The following SLC2A9 variants were observed in gnomAD, a reference collection of about 807,000 sequenced individuals.
SLC2A9 encodes solute carrier family 2, facilitated glucose transporter member 9.
SLC2A9 carries 39 observed loss-of-function variants against 50.6 expected under a neutral mutation model. The observed-to-expected ratio is 0.77, with a 90% CI of 0.60 to 1.01. SLC2A9 has a LOEUF of 1.01. Among genes scored for constraint, SLC2A9 ranks in the 50% least tolerant of loss-of-function variants. SLC2A9 has a pLI of 0.00. For synonymous variants in SLC2A9, 324 were observed against 276.9 expected (o/e 1.17, Z -1.69); for missense variants, 686 against 677.6 (o/e 1.01, Z -0.14).
intron 1 of SLC2A9, among the ~76,000 whole-genome samples, chr4:10,037,964 T>TAATA (rs1370691391): frequency 2.6e-5 from 4 of 151,008 alleles, no homozygotes; most frequent in South Asian, 2.1e-4. Context: ...AATAAATAAA[T>TAATA]AATAAATAAA....
upstream of SLC2A9, among the ~76,000 whole-genome samples, chr4:10,025,202 C>T (rs1205151867): frequency 6.6e-6 from 1 of 152,094 alleles, no homozygotes; most frequent in East Asian, 1.9e-4. Context: ...GCTTCCACAC[C>T]CATCACAGGA....
intron 5 of SLC2A9, among the ~76,000 whole-genome samples, chr4:9,969,707 C>T (rs145310446): frequency 2.6e-4 from 39 of 152,266 alleles, no homozygotes; most frequent in African/African-American, 7.5e-4. Context: ...TCTTACATGG[C>T]GGCAGGCAAG....
At chr4:10,020,721 C>T (rs961650345) in intron 1 of SLC2A9, among the ~76,000 whole-genome samples, 5 of 152,200 alleles carry the variant, frequency 3.3e-5, no homozygotes, top group African/African-American at 4.8e-5. Flanking sequence ...TTCTTTGCTC[C>T]CAGCCCCGAT....
intron 6 of SLC2A9, among the ~76,000 whole-genome samples, chr4:9,926,360 T>C (rs1744910832): frequency 2.0e-5 from 3 of 149,544 alleles, no homozygotes; most frequent in African/African-American, 7.4e-5. Context: ...GGCCAATGGG[T>C]GCTCACAAAC....
chr4:9,952,078 C>G (rs1008647554), intron 5 of SLC2A9, among the ~76,000 whole-genome samples: 9 of 152,202 alleles, frequency 5.9e-5, no homozygotes, highest in African/African-American at 2.2e-4. Flanking sequence ...GGTCCTGCCA[C>G]TTACTGATTG....
At chr4:9,928,495 G>T (rs990142386) in intron 6 of SLC2A9, among the ~76,000 whole-genome samples, 5 of 152,242 alleles carry the variant, frequency 3.3e-5, no homozygotes, top group African/African-American at 1.2e-4. Flanking sequence ...ACTTTGGGAG[G>T]CCAAGGCAGG....
At chr4:10,001,962 A>T (rs534379157) in intron 2 of SLC2A9, among the ~76,000 whole-genome samples, 10 of 152,346 alleles carry the variant, frequency 6.6e-5, no homozygotes, top group African/African-American at 2.4e-4. Flanking sequence ...CATGTGACCA[A>T]GGCTCAGCCA....
At chr4:9,771,984 C>G (rs531399253) in intron 1 of SLC2A9, among the ~76,000 whole-genome samples, 1 of 152,272 alleles carries the variant, frequency 6.6e-6, no homozygotes, top group East Asian at 1.9e-4. Flanking sequence ...GCTGGACAAG[C>G]AGATTGTGAA....
At chr4:9,910,352 T>A (rs1314417070) in intron 7 of SLC2A9, among the ~76,000 whole-genome samples, 1 of 152,234 alleles carries the variant, frequency 6.6e-6, no homozygotes, top group East Asian at 1.9e-4. Context: ...GCTGACATTA[T>A]AACATTATCC....
In SLC2A9 at chr4:9,914,658, C is replaced by T. The variant is rs547540981; in HGVS notation, c.1002+5727G>A. On this transcript the variant is annotated intron_variant, in intron 7 of 11. Transcript: ENST00000264784. ...TGTGAGCTCCTATTCTTGGGAGGGA[C>T]GGGAGTCTGTGGGCTGGACAGAAGG... Among the ~76,000 whole-genome samples, 8 of 152,182 alleles carry T rather than the reference C, an allele frequency of 5.3e-5. No homozygotes were observed. In the East Asian group the frequency reaches 5.8e-4, roughly 11 times the overall value.
intron 4 of SLC2A9, among the ~76,000 whole-genome samples, chr4:9,983,692 G>C (rs1245536522): frequency 6.6e-6 from 1 of 152,204 alleles, no homozygotes; most frequent in Non-Finnish European, 1.5e-5. Context: ...AGAAGTGAAA[G>C]CACAGGAAAA....
At chr4:9,778,475 C>T (rs1194643839), downstream of SLC2A9, among the ~76,000 whole-genome samples, 1 of 152,036 alleles carries the variant, frequency 6.6e-6, no homozygotes, top group Non-Finnish European at 1.5e-5. Context: ...CTCTAGAATT[C>T]CCTTTTACTC....
upstream of SLC2A9, among the ~76,000 whole-genome samples, chr4:10,021,829 C>A (rs1457541705): frequency 6.7e-6 from 1 of 148,918 alleles, no homozygotes; most frequent in Non-Finnish European, 1.5e-5. Flanking sequence ...CAGCTCTGCC[C>A]CTGACTCTTC....
At chr4:9,876,868 T>C (rs1734392080) in intron 10 of SLC2A9, among the ~76,000 whole-genome samples, 1 of 152,212 alleles carries the variant, frequency 6.6e-6, no homozygotes, top group Admixed American at 6.5e-5. Context: ...GACATTGATG[T>C]GTCCTGAGCA....
At chr4:9,802,113 G>A (rs924784152) in intron 3 of SLC2A9, among the ~76,000 whole-genome samples, 4 of 152,166 alleles carry the variant, frequency 2.6e-5, no homozygotes, top group Non-Finnish European at 4.4e-5. Context: ...TTATCAGCAT[G>A]AGACAAGTGC....
chr4:10,025,105 A>G (rs1763707423), upstream of SLC2A9, among the ~76,000 whole-genome samples: 1 of 152,194 alleles, frequency 6.6e-6, no homozygotes, highest in South Asian at 2.1e-4. Flanking sequence ...CTTCTTGACA[A>G]CTTGGTAAAT....
At chr4:9,832,265 G>A (rs991384561) in intron 11 of SLC2A9, among the ~76,000 whole-genome samples, 1 of 152,118 alleles carries the variant, frequency 6.6e-6, no homozygotes, top group Non-Finnish European at 1.5e-5. Flanking sequence ...TGGGGGATGT[G>A]ACTCAGAACT....
At chr4:10,009,286 A>T (rs1761359876) in intron 2 of SLC2A9, among the ~76,000 whole-genome samples, 1 of 152,226 alleles carries the variant, frequency 6.6e-6, no homozygotes, top group African/African-American at 2.4e-5. Flanking sequence ...TTCCCAGAGC[A>T]GCCTGCTAAG....
At chr4:9,870,944 T>C (rs1733330807) in intron 10 of SLC2A9, among the ~76,000 whole-genome samples, 1 of 151,978 alleles carries the variant, frequency 6.6e-6, no homozygotes, top group Non-Finnish European at 1.5e-5. Context: ...GTGTGTGGGG[T>C]CTTGCTGTGT....
Sources: allele counts gnomAD v4.1 joint callset (sites outside exome capture counted in the v4.1 genomes callset), GRCh38; gene constraint gnomAD v4.1.1; transcripts MANE v1.5; gene names NCBI Gene and HGNC (gene_info 2026-07-23, HGNC 2026-07-21).